RGS6: variants seen among roughly 807,000 people sequenced by gnomAD.
The protein encoded by RGS6 is regulator of G-protein signaling 6.
In RGS6, 30 loss-of-function variants were observed where a neutral mutation model predicts 78.5. That is an observed-to-expected ratio of 0.38 (90% CI 0.29 to 0.52). The LOEUF (loss-of-function observed/expected upper bound fraction) is 0.52, where lower values mean the gene tolerates loss of function less well. Ranked by LOEUF, RGS6 falls within the 20% of genes least tolerant of loss-of-function variation. The probability of loss-of-function intolerance (pLI) is 0.85; values close to 1 mark genes in which losing one functional copy is unlikely to be tolerated. For synonymous variants in RGS6, 206 were observed against 206.0 expected (o/e 1.00, Z 0.00); for missense variants, 495 against 609.7 (o/e 0.81, Z 1.98).
At position 72,353,602 on chromosome 14, in the gene RGS6, A is replaced by G. The variant is rs546371311; in HGVS notation, c.184+1408A>G. Reference sequence around the variant, plus strand: ...GTGACTGCAAAAGACAACAGGAGGGAGTTTTATGAGATGATGATGATGAAC... The same window carrying G: ...GTGACTGCAAAAGACAACAGGAGGGGGTTTTATGAGATGATGATGATGAAC... On this transcript the variant is annotated intron_variant, in intron 3 of 17. Coordinates refer to ENST00000553525, the MANE Select transcript of RGS6 (RefSeq NM_001204424.2). Among the ~76,000 whole-genome samples, 21 of 152,254 alleles carry G rather than the reference A, an allele frequency of 1.4e-4. No homozygotes were observed. In the East Asian group the frequency reaches 2.9e-3, roughly 21 times the overall value.
intron 17 of RGS6, chr14:72,541,164 A>G (rs1462518415): frequency 7.3e-7 from 1 of 1,377,674 alleles, no homozygotes; most frequent in Admixed American, 1.9e-5. Context: ...GTGGCAGCCC[A>G]TTGATATTGA....
At chr14:72,354,238 G>A (rs1263313086) in intron 3 of RGS6, among the ~76,000 whole-genome samples, 2 of 152,096 alleles carry the variant, frequency 1.3e-5, no homozygotes, top group Admixed American at 1.3e-4. Context: ...GAGGCTGGAA[G>A]TCTGAGATCA....
chr14:72,080,722 A>G (rs1027734781), intron 2 of RGS6, among the ~76,000 whole-genome samples: 1 of 151,854 alleles, frequency 6.6e-6, no homozygotes, highest in Non-Finnish European at 1.5e-5. Context: ...GGTCCAATTC[A>G]TTTTTCTGTA....
chr14:72,116,302 G>T (rs1567235509), intron 2 of RGS6, among the ~76,000 whole-genome samples: 1 of 152,154 alleles, frequency 6.6e-6, no homozygotes, highest in Non-Finnish European at 1.5e-5. Flanking sequence ...CCATGTGGCA[G>T]GTAGCTTCTA....
chr14:72,075,781 C>T (rs2094552110), intron 2 of RGS6, among the ~76,000 whole-genome samples: 1 of 152,150 alleles, frequency 6.6e-6, no homozygotes, highest in Non-Finnish European at 1.5e-5. Context: ...TGAATGCCTC[C>T]CTCTTTCTGT....
chr14:71,969,435 T>C (rs111879987), intron 2 of RGS6, among the ~76,000 whole-genome samples: 81 of 152,280 alleles, frequency 5.3e-4, no homozygotes, highest in African/African-American at 1.9e-3. Context: ...TTTGTTTGGG[T>C]CAGGAGGCAT....
intron 2 of RGS6, among the ~76,000 whole-genome samples, chr14:72,165,975 C>T (rs2096919628): frequency 1.3e-5 from 2 of 152,126 alleles, no homozygotes; most frequent in African/African-American, 4.8e-5. Context: ...ACCAAAACAG[C>T]ATAGGTAACA....
At chr14:72,629,523 C>T in the RGS6 span, 6 of 1,158,072 alleles carry the variant, frequency 5.2e-6, no homozygotes, top group Non-Finnish European at 7.4e-6. Flanking sequence ...GGGTAACAGG[C>T]CCCAGGGGCC....
chr14:71,872,486 T>G, the RGS6 span, among the ~76,000 whole-genome samples: 41 of 152,188 alleles, frequency 2.7e-4, no homozygotes, highest in African/African-American at 9.4e-4. Context: ...GATACTTGGG[T>G]CTCTTGTCAT....
At chr14:72,419,531 C>T (rs576261962) in intron 3 of RGS6, among the ~76,000 whole-genome samples, 11 of 152,264 alleles carry the variant, frequency 7.2e-5, no homozygotes, top group African/African-American at 2.4e-4. Context: ...GTGTTTAAGT[C>T]GAGCCCAGAT....
At chr14:72,192,588 C>T (rs2097340532) in intron 2 of RGS6, among the ~76,000 whole-genome samples, 1 of 152,216 alleles carries the variant, frequency 6.6e-6, no homozygotes, top group South Asian at 2.1e-4. Flanking sequence ...AACATTAACG[C>T]CTTGCCAATT....
chr14:72,155,443 A>T (rs1238202768), intron 2 of RGS6, among the ~76,000 whole-genome samples: 3 of 152,194 alleles, frequency 2.0e-5, no homozygotes, highest in Admixed American at 1.3e-4. Flanking sequence ...CCAGGATATG[A>T]CTTCCAGAAC....
chr14:72,008,647 C>G (rs904158666), intron 2 of RGS6, among the ~76,000 whole-genome samples: 1 of 152,140 alleles, frequency 6.6e-6, no homozygotes, highest in African/African-American at 2.4e-5. Flanking sequence ...TCCTGGATCC[C>G]TCACGGTGGG....
chr14:72,357,436 C>T (rs1001703490), intron 3 of RGS6, among the ~76,000 whole-genome samples: 2 of 152,078 alleles, frequency 1.3e-5, no homozygotes, highest in African/African-American at 4.8e-5. Flanking sequence ...TTAGAACTTC[C>T]TAGAGACCTG....
chr14:72,053,079 C>CCCTT (rs1226350902), intron 2 of RGS6, among the ~76,000 whole-genome samples: 622 of 16,892 alleles, frequency 0.037, 29 homozygotes, highest in Middle Eastern at 0.12. Context: ...CTCCCTCCCT[C>CCCTT]CCTTCCTTCC....
At chr14:72,336,887 C>T (rs1009257490) in intron 2 of RGS6, among the ~76,000 whole-genome samples, 2 of 152,106 alleles carry the variant, frequency 1.3e-5, no homozygotes, top group African/African-American at 4.8e-5. Context: ...AGTATCTTCC[C>T]TCTGTGTGTG....
intron 12 of RGS6, among the ~76,000 whole-genome samples, chr14:72,494,784 A>C (rs961111788): frequency 4.6e-5 from 7 of 152,198 alleles, no homozygotes; most frequent in Admixed American, 4.6e-4. Flanking sequence ...TGTGTGTTCC[A>C]GATGCCTCGA....
intron 2 of RGS6, among the ~76,000 whole-genome samples, chr14:72,030,591 ATTGTTAAGGTGTAGGCTTT>A (rs2090692310): frequency 7.2e-6 from 1 of 139,020 alleles, no homozygotes; most frequent in African/African-American, 2.9e-5. Flanking sequence ...AGATTTCATA[ATTGTTAAGGTGTAGGCTTT>A]TTACTGCACC....
At chr14:72,096,672 A>G (rs1011517799) in intron 2 of RGS6, among the ~76,000 whole-genome samples, 1 of 152,154 alleles carries the variant, frequency 6.6e-6, no homozygotes, top group South Asian at 2.1e-4. Context: ...TGGCATCTCC[A>G]TATGGCTTAG....
Sources: allele counts gnomAD v4.1 joint callset (sites outside exome capture counted in the v4.1 genomes callset), GRCh38; gene constraint gnomAD v4.1.1; transcripts MANE v1.5; gene names NCBI Gene and HGNC (gene_info 2026-07-23, HGNC 2026-07-21).